The following NCDN variants were observed in gnomAD, a reference collection of about 807,000 sequenced individuals.
NCDN encodes neurochondrin.
Under a neutral mutation model 60.7 loss-of-function variants are expected in NCDN, and 9 were observed. The ratio of observed to expected loss-of-function variants is 0.15; its 90% confidence interval spans 0.09 to 0.26. NCDN has a LOEUF of 0.26. Among genes scored for constraint, NCDN ranks in the 10% least tolerant of loss-of-function variants. The pLI is 1.00. For missense variants in NCDN, 578 were observed against 975.2 expected (o/e 0.59, Z 5.42); for synonymous variants, 409 against 442.5 (o/e 0.92, Z 0.95).
Position 35,558,681 on chromosome 1 carries a change from C to T in NCDN, c.34-426C>T. On this transcript the variant is annotated intron_variant, in intron 1 of 6. Transcript: ENST00000373243. This position sits in a 1 kb window ranked among gnomAD's most constrained non-coding sequence, Gnocchi z 6.3. ...CCTGAGTCCGGATAATCGAACTTCA[C>T]CCATGTATGTCTCCATTTCTCCCTG... The T allele has an allele frequency of 1.8e-6, 2 of 1,138,360 alleles. No homozygotes were observed. The highest frequency in any genetic ancestry group is 2.2e-6 in the Non-Finnish European group (2 of 923,116). The allele number at this position is 1,138,360 out of a possible 1,614,324, so 70.5% of individuals were successfully genotyped here.
Position 35,558,053 on chromosome 1 carries a change from T to G in NCDN, c.-138T>G. 2 of 1,270,570 alleles carry G rather than the reference T, an allele frequency of 1.6e-6. No homozygotes were observed. Among genetic ancestry groups the G allele is most frequent in the Non-Finnish European group, 2.2e-6 (2 of 907,330 alleles). The allele number at this position is 1,270,570 out of a possible 1,614,324, so 78.7% of individuals were successfully genotyped here. A position where few individuals can be genotyped will look rare whatever the true frequency, so the allele number is the denominator to read the frequency against. On this transcript the variant is annotated 5_prime_UTR_variant, in exon 1 of 7. An upstream open reading frame in the 5' UTR gains an earlier in-frame stop. Transcript: ENST00000373243. This position sits in a 1 kb window ranked among gnomAD's most constrained non-coding sequence, Gnocchi z 6.3. ...CATTTTGTCACAGCCCTTTTCAATA[T>G]ATATCTTTTTTTTTTTTAATTTGCC... is the stretch of plus-strand genomic sequence containing the variant.
intron 2 of NCDN, 80 bp downstream of exon 2, chr1:35,559,327 A>C (rs1425907571): frequency 1.9e-6 from 3 of 1,578,104 alleles, no homozygotes; most frequent in South Asian, 1.1e-5. Flanking sequence ...TGAGTCCCCA[A>C]GGATATGTAC....
intron 2 of NCDN, 101 bp downstream of exon 2, chr1:35,559,348 C>G: frequency 6.6e-7 from 1 of 1,509,038 alleles, no homozygotes; most frequent in East Asian, 2.3e-5. Context: ...GTAGTGCTAG[C>G]AACCCTGGAG....
In NCDN at chr1:35,563,439, G is replaced by T; in HGVS notation, c.1610+13G>T. ...CGGGGCTGATCAAGTGAGGGGCTCG[G>T]GAGAGGTGGGGGAGGAGGCCGGAGG... On this transcript the variant is annotated intron_variant, in intron 5 of 6. Transcript: ENST00000373243. The surrounding 1 kb of genome is among the most constrained non-coding windows in gnomAD (Gnocchi z 6.6). 1 of 1,608,972 alleles carries T rather than the reference G, an allele frequency of 6.2e-7. No individual in the cohort carries two copies.
In NCDN at chr1:35,560,511, G is replaced by A; in HGVS notation, c.360G>A (p.Leu120=). The change falls in exon 3 of 7, where the codon CTG becomes CTA. Residue 120 remains leucine, a synonymous_variant. Transcript: ENST00000373243. The surrounding 1 kb of genome is among the most constrained non-coding windows in gnomAD (Gnocchi z 7.6). ...CCTGCTTCTGCAGTGACCCTGAACT[G>A]GCCGCCCATCCCCAAGTCCTGAACA... ...LLACFCSDPE[L]AAHPQVLNKI... The A allele has an allele frequency of 6.2e-7, 1 of 1,613,912 alleles. No homozygotes were observed. Among genetic ancestry groups the A allele is most frequent in the Non-Finnish European group, 8.5e-7 (1 of 1,180,038 alleles).
Position 35,562,321 on chromosome 1 carries a change from C to T in NCDN, c.1144-71C>T. On this transcript the variant is annotated intron_variant, in intron 3 of 6. Coordinates refer to ENST00000373243, the MANE Select transcript of NCDN (RefSeq NM_014284.3). The surrounding 1 kb of genome is among the most constrained non-coding windows in gnomAD (Gnocchi z 6.8). ...TTCCTTCTAGTTGTATTATTTCTAGCTGGCTGGCCTCTGGCAAGGCAGGGA... is the reference window on the plus strand; with the variant it reads ...TTCCTTCTAGTTGTATTATTTCTAGTTGGCTGGCCTCTGGCAAGGCAGGGA... 1 of 1,565,670 alleles carries T rather than the reference C, an allele frequency of 6.4e-7. No individual in the cohort carries two copies. Among genetic ancestry groups the T allele is most frequent in the Non-Finnish European group, 8.7e-7 (1 of 1,154,714 alleles).
rs1648781489 is a variant in NCDN at position 35,563,755 on chromosome 1, T to C, written c.1611-12T>C. 8 of 1,612,696 alleles carry C rather than the reference T, an allele frequency of 5.0e-6. No individual in the cohort carries two copies. The highest frequency in any genetic ancestry group is 5.9e-6 in the Non-Finnish European group (7 of 1,179,312). On this transcript the variant is annotated splice_polypyrimidine_tract_variant and intron_variant, in intron 5 of 6. Coordinates refer to ENST00000373243, the MANE Select transcript of NCDN (RefSeq NM_014284.3). The surrounding 1 kb of genome is among the most constrained non-coding windows in gnomAD (Gnocchi z 6.6). The stretch of plus-strand genomic sequence containing the variant: ...CCCACCTACCTCCATCCTTCCCCCC[T>C]TTCTTTTCCAGGCGTGACGCCTGCT...
rs1166736665 is a variant in NCDN at position 35,560,840 on chromosome 1, A to G, written c.689A>G (p.Gln230Arg). ...AVLRGLSEDF[Q>R]KAEDASKFEL... is the part of the protein sequence containing the mutation. ...TTGCGGGGCCTCAGTGAGGATTTCC[A>G]GAAAGCTGAGGATGCCAGCAAGTTT... The change falls in exon 3 of 7, where the codon CAG becomes CGG. Residue 230 changes from glutamine to arginine, a missense_variant. This residue lies in a region of NCDN where 363 missense variants were observed against 583.6 expected (regional missense o/e 0.62). Transcript: ENST00000373243. This position sits in a 1 kb window ranked among gnomAD's most constrained non-coding sequence, Gnocchi z 7.6. 13 of 1,614,028 alleles carry G rather than the reference A, an allele frequency of 8.1e-6. No individual in the cohort carries two copies. Among genetic ancestry groups the G allele is most frequent in the East Asian group, 2.2e-5 (1 of 44,888 alleles).
In NCDN at chr1:35,565,367, G is replaced by A; in HGVS notation, c.1894G>A (p.Asp632Asn). ...CCCTGAGTATGAGGGCATCTGGGCC[G>A]ACCTGCAGGAGCTCTGGTTCCTGGG... ...LSPEYEGIWADLQELWFLGMQ... is the reference protein window; with the variant it reads ...LSPEYEGIWANLQELWFLGMQ... Residue 632 changes from aspartate (D) to asparagine (N), a missense_variant, in exon 7 of 7, where the codon GAC (aspartate) becomes AAC (asparagine). This residue lies in a region of NCDN where 191 missense variants were observed against 372.1 expected (regional missense o/e 0.51). Coordinates refer to ENST00000373243, the MANE Select transcript of NCDN (RefSeq NM_014284.3). This position sits in a 1 kb window ranked among gnomAD's most constrained non-coding sequence, Gnocchi z 8.9. 1 of 1,613,500 alleles carries A rather than the reference G, an allele frequency of 6.2e-7. No homozygotes were observed.
rs1224750196 is a variant in NCDN at position 35,562,213 on chromosome 1, C to T, written c.1144-179C>T. 7.2e-5 allele frequency among the ~76,000 whole-genome samples: 11 copies of T among 152,166 alleles called. No individual in the cohort carries two copies. The highest frequency in any genetic ancestry group is 1.9e-4 in the African/African-American group (8 of 41,432). On this transcript the variant is annotated intron_variant, in intron 3 of 6. Coordinates refer to ENST00000373243, the MANE Select transcript of NCDN (RefSeq NM_014284.3). The surrounding 1 kb of genome is among the most constrained non-coding windows in gnomAD (Gnocchi z 6.8). ...TCACTCTGTGCCAGTCCCTTGTGTG[C>T]GTCCCTACCACATGCTAGGTGCTGG...
rs949375824 is a variant in NCDN, at chr1:35,561,770, C to T, written c.1143+476C>T. ...TGGCTAGATCAATTCGCCTGCCTCC[C>T]CTACATCCCCTCCTGCCTCCCCGCC... On this transcript the variant is annotated intron_variant, in intron 3 of 6. Transcript: ENST00000373243. The surrounding 1 kb of genome is among the most constrained non-coding windows in gnomAD (Gnocchi z 4.9). 1.6e-4 allele frequency among the ~76,000 whole-genome samples: 25 copies of T among 152,268 alleles called. No individual in the cohort carries two copies. The highest frequency in any genetic ancestry group is 5.8e-4 in the African/African-American group (24 of 41,552).
Position 35,557,801 on chromosome 1 carries a change from T to A in NCDN, c.-390T>A. ...AGCTGCAGCAGCCTGGAGCCAGGAG[T>A]GGGCAACGCGGCGTGAGCAGCGGCC... On this transcript the variant is annotated 5_prime_UTR_variant, in exon 1 of 7. Coordinates refer to ENST00000373243, the MANE Select transcript of NCDN (RefSeq NM_014284.3). The A allele has an allele frequency of 2.0e-6, 1 of 512,088 alleles. No homozygotes were observed. Among genetic ancestry groups the A allele is most frequent in the African/African-American group, 1.9e-5 (1 of 52,316 alleles). 31.7% of individuals were successfully genotyped at this position (512,088 alleles called of 1,614,324 possible).
rs540074626 is a variant in NCDN at position 35,560,004 on chromosome 1, T to C, written c.175-322T>C. Reference sequence around the variant, plus strand: ...TAAATCCTTGGGAGATCTTAAAACATTGAGTTCTAAGCCCCTTCCATCCCA... The same window carrying C: ...TAAATCCTTGGGAGATCTTAAAACACTGAGTTCTAAGCCCCTTCCATCCCA... On this transcript the variant is annotated intron_variant, in intron 2 of 6. Coordinates refer to ENST00000373243, the MANE Select transcript of NCDN (RefSeq NM_014284.3). The surrounding 1 kb of genome is among the most constrained non-coding windows in gnomAD (Gnocchi z 7.6). 6.6e-6 allele frequency among the ~76,000 whole-genome samples: 1 copy of C among 152,270 alleles called. No individual in the cohort carries two copies. Among genetic ancestry groups the C allele is most frequent in the South Asian group, 2.1e-4 (1 of 4,826 alleles).
rs541733525 is a variant in NCDN at position 35,558,770 on chromosome 1, C to T, written c.34-337C>T. Reference sequence around the variant, plus strand: ...GGGAGATAAAACCCAGCCTCCGGTGCCAGGGGGACAGCTGAGCAGTGGGGC... The same window carrying T: ...GGGAGATAAAACCCAGCCTCCGGTGTCAGGGGGACAGCTGAGCAGTGGGGC... On this transcript the variant is annotated intron_variant, in intron 1 of 6. Transcript: ENST00000373243. This position sits in a 1 kb window ranked among gnomAD's most constrained non-coding sequence, Gnocchi z 6.3. 6.4e-6 allele frequency: 7 copies of T among 1,100,416 alleles called. No individual in the cohort carries two copies. In the South Asian group the frequency reaches 1.7e-4, roughly 27 times the overall value. 68.2% of individuals were successfully genotyped at this position (1,100,416 alleles called of 1,614,324 possible). A position where few individuals can be genotyped will look rare whatever the true frequency, so the allele number is the denominator to read the frequency against.
At chr1:35,564,062 C>T (rs895286244) in intron 6 of NCDN, among the ~76,000 whole-genome samples, 153 bp downstream of exon 6, 1 of 152,212 alleles carries the variant, frequency 6.6e-6, no homozygotes, top group Non-Finnish European at 1.5e-5. Context: ...TCCCCTACCC[C>T]CACCGTTCTT....
Position 35,559,165 on chromosome 1 carries a change from G to T in NCDN, c.92G>T (p.Gly31Val). Reference protein sequence around the residue: ...DCEPALNQAEGRNPTLERYLG... With the variant: ...DCEPALNQAEVRNPTLERYLG... ...GAGCCAGCTCTGAACCAGGCAGAGG[G>T]CCGAAACCCCACCCTGGAGCGCTAC... Residue 31 changes from glycine (G) to valine (V), a missense_variant, in exon 2 of 7, where the codon GGC becomes GTC. Physicochemically the swap from Gly to Val is moderately radical, Grantham distance 109 (BLOSUM62 -3). This residue lies in a region of NCDN where 363 missense variants were observed against 583.6 expected (regional missense o/e 0.62). Coordinates refer to ENST00000373243, the MANE Select transcript of NCDN (RefSeq NM_014284.3). 6.2e-7 allele frequency: 1 copy of T among 1,614,034 alleles called. No individual in the cohort carries two copies. The highest frequency in any genetic ancestry group is 1.1e-5 in the South Asian group (1 of 91,072).
rs1343826738 is a variant in NCDN, at chr1:35,563,465, A to T, written c.1610+39A>T. On this transcript the variant is annotated intron_variant, in intron 5 of 6. Coordinates refer to ENST00000373243, the MANE Select transcript of NCDN (RefSeq NM_014284.3). The surrounding 1 kb of genome is among the most constrained non-coding windows in gnomAD (Gnocchi z 6.6). ...GAGAGGTGGGGGAGGAGGCCGGAGGAGGCAAAGGAGGCTGCCCAGTTGCCT... is the reference window on the plus strand; with the variant it reads ...GAGAGGTGGGGGAGGAGGCCGGAGGTGGCAAAGGAGGCTGCCCAGTTGCCT... 2.5e-6 allele frequency: 4 copies of T among 1,592,592 alleles called. No individual in the cohort carries two copies. The African/African-American group carries it at 5.4e-5, about 21-fold the overall frequency.
chr1:35,562,751 C>T lies in NCDN; in HGVS notation c.1385+118C>T. The stretch of plus-strand genomic sequence containing the variant: ...GCTTCCTGATTGGGCCATGAGATAT[C>T]CCTTAGGGTTATTTCTGTTTTGGGG... On this transcript the variant is annotated intron_variant, in intron 4 of 6. Coordinates refer to ENST00000373243, the MANE Select transcript of NCDN (RefSeq NM_014284.3). This position sits in a 1 kb window ranked among gnomAD's most constrained non-coding sequence, Gnocchi z 6.8. The T allele has an allele frequency of 1.5e-6, 2 of 1,354,862 alleles. No homozygotes were observed. Among genetic ancestry groups the T allele is most frequent in the South Asian group, 3.0e-5 (2 of 65,928 alleles). 83.9% of individuals were successfully genotyped at this position (1,354,862 alleles called of 1,614,324 possible).
Position 35,563,818 on chromosome 1 carries a change from A to G in NCDN, c.1662A>G (p.Pro554=), listed in dbSNP as rs141517113. Residue 554 remains proline, a synonymous_variant, in exon 6 of 7, where the codon CCA becomes CCG. Transcript: ENST00000373243. The surrounding 1 kb of genome is among the most constrained non-coding windows in gnomAD (Gnocchi z 6.6). ...TGAACACCCTCATGACGTCGCTACC[A>G]GCACTAGTGCAGCAACAGGGAAGGC... ...SLMNTLMTSL[P]ALVQQQGRLL... 151 of 1,613,556 alleles carry G rather than the reference A, an allele frequency of 9.4e-5. 1 individual carries two copies. The African/African-American group carries it at 1.7e-3, about 18-fold the overall frequency.
Sources: gnomAD v4.1 joint callset for allele counts (sites outside exome capture counted in the v4.1 genomes callset) on GRCh38, gnomAD v4.1.1 for gene constraint, gnomAD v4.1.1 regional missense constraint, Gnocchi (gnomAD v3.1) non-coding constraint, MANE v1.5 for transcripts, NCBI Gene and HGNC (gene_info 2026-07-23, HGNC 2026-07-21) for gene names.